The following UTP18 variants were observed in gnomAD, a reference collection of about 807,000 sequenced individuals.
UTP18 encodes the protein U3 small nucleolar RNA-associated protein 18 homolog.
UTP18 carries 36 observed loss-of-function variants against 61.1 expected under a neutral mutation model. The observed-to-expected ratio is 0.59, with a 90% CI of 0.45 to 0.78. The LOEUF (loss-of-function observed/expected upper bound fraction) is 0.78. Among genes scored for constraint, UTP18 ranks in the 30% least tolerant of loss-of-function variants. The probability of loss-of-function intolerance (pLI) is 0.00; values close to 1 mark genes in which losing one functional copy is unlikely to be tolerated. For synonymous variants in UTP18, 282 were observed against 251.1 expected (o/e 1.12, Z -1.16); for missense variants, 753 against 693.9 (o/e 1.09, Z -0.96).
intron 3 of UTP18, among the ~76,000 whole-genome samples, chr17:51,267,070 C>T (rs1238952231): frequency 2.6e-5 from 4 of 152,212 alleles, no homozygotes; most frequent in African/African-American, 7.2e-5. Flanking sequence ...TCAAGAAATC[C>T]TCCCACCTCA....
intron 6 of UTP18, among the ~76,000 whole-genome samples, chr17:51,276,865 C>T (rs947686104): frequency 1.3e-5 from 2 of 152,188 alleles, no homozygotes; most frequent in Non-Finnish European, 2.9e-5. Context: ...GTGGAGCTTC[C>T]GTGCCTTCTC....
At chr17:51,268,703 A>C in intron 3 of UTP18, 134 bp from the exon 4 acceptor site, 1 of 700,218 alleles carries the variant, frequency 1.4e-6, no homozygotes, top group Non-Finnish European at 2.4e-6. Flanking sequence ...TTCTGTTCTT[A>C]AAGATAGTTA....
chr17:51,282,460 A>G (rs1218735102), intron 9 of UTP18, among the ~76,000 whole-genome samples: 1 of 151,762 alleles, frequency 6.6e-6, no homozygotes, highest in African/African-American at 2.4e-5. Context: ...AGAAAGAAGA[A>G]AATGAAGAGA....
intron 1 of UTP18, among the ~76,000 whole-genome samples, chr17:51,262,855 G>T (rs1168183970): frequency 6.6e-6 from 1 of 152,148 alleles, no homozygotes; most frequent in Non-Finnish European, 1.5e-5. Context: ...CTCTCTGCTG[G>T]TATAAAGTTT....
intron 1 of UTP18, among the ~76,000 whole-genome samples, chr17:51,262,691 A>G (rs925815424): frequency 6.6e-5 from 10 of 152,210 alleles, no homozygotes; most frequent in African/African-American, 2.2e-4. Flanking sequence ...AGCTGGGGCC[A>G]CAGGTGCACA....
chr17:51,289,875 T>G (rs1167489547), intron 11 of UTP18, among the ~76,000 whole-genome samples: 1 of 152,228 alleles, frequency 6.6e-6, no homozygotes, highest in African/African-American at 2.4e-5. Context: ...GTAACAGTTC[T>G]TCAGAGGATT....
intron 12 of UTP18, among the ~76,000 whole-genome samples, chr17:51,295,187 G>A (rs1905335623): frequency 6.6e-6 from 1 of 152,114 alleles, no homozygotes; most frequent in African/African-American, 2.4e-5. Context: ...TTGCTGTGCA[G>A]AAACTCTTTA....
chr17:51,268,007 G>GTTTTTTTTTTTTTTTTTTTTTTT (rs766635231), intron 3 of UTP18, among the ~76,000 whole-genome samples: 1 of 130,580 alleles, frequency 7.7e-6, no homozygotes, highest in African/African-American at 3.0e-5. Context: ...TTTGTTTTTT[G>GTTTTTTTTTTTTTTTTTTTTTTT]TTTTTTGTTT....
chr17:51,264,910 T>G (rs2055544567), intron 2 of UTP18, among the ~76,000 whole-genome samples: 1 of 152,042 alleles, frequency 6.6e-6, no homozygotes. Flanking sequence ...CTCGAACTGT[T>G]GACCTCAAGT....
intron 10 of UTP18, 145 bp from the exon 11 acceptor site, chr17:51,287,884 A>C: frequency 3.9e-6 from 2 of 514,492 alleles, no homozygotes; most frequent in Non-Finnish European, 6.3e-6. Context: ...TCTATAGGAC[A>C]TCTGTGGCTA....
At chr17:51,293,812 T>G in intron 11 of UTP18, 91 bp from the exon 12 acceptor site, 4 of 1,136,102 alleles carry the variant, frequency 3.5e-6, no homozygotes, top group Non-Finnish European at 4.7e-6. Context: ...ATGAGCTTTA[T>G]GTTTCAGCAG....
chr17:51,290,418 AAAC>A (rs576096725), intron 11 of UTP18, among the ~76,000 whole-genome samples: 40 of 152,176 alleles, frequency 2.6e-4, no homozygotes, highest in Admixed American at 1.5e-3. Context: ...TCTGTCTCAA[AAAC>A]AACAACAACA....
Position 51,297,919 on chromosome 17 carries a change from G to A in UTP18, c.*152G>A. 3.4e-6 allele frequency: 1 copy of A among 296,236 alleles called. No homozygotes were observed. Among genetic ancestry groups the A allele is most frequent in the Non-Finnish European group, 6.4e-6 (1 of 156,436 alleles). 18.4% of individuals were successfully genotyped at this position (296,236 alleles called of 1,614,324 possible). Reference sequence around the variant, plus strand: ...GTAATGTCTTAATAAACATGTGGCAGCTTTTGTTTGAAAATAAGTGTATCT... The same window carrying A: ...GTAATGTCTTAATAAACATGTGGCAACTTTTGTTTGAAAATAAGTGTATCT... On this transcript the variant is annotated 3_prime_UTR_variant, in exon 14 of 14. Transcript: ENST00000225298.
chr17:51,283,192 T>C (rs1266883501), intron 9 of UTP18, among the ~76,000 whole-genome samples: 4 of 145,472 alleles, frequency 2.7e-5, no homozygotes, highest in African/African-American at 7.7e-5. Context: ...TTTTTCAGAC[T>C]GAGTCTTGTT....
At chr17:51,283,273 A>G (rs1417983208) in intron 9 of UTP18, among the ~76,000 whole-genome samples, 2 of 151,298 alleles carry the variant, frequency 1.3e-5, no homozygotes, top group South Asian at 2.1e-4. Context: ...GGTTCCAGCA[A>G]TTCTCCTGCC....
Position 51,260,899 on chromosome 17 carries a change from G to A in UTP18, c.315G>A (p.Ala105=), listed in dbSNP as rs750859051. The change falls in exon 1 of 14, where the codon GCG becomes GCA. Residue 105 remains alanine, a synonymous_variant. Transcript: ENST00000225298. ...GCGACGTCGAGAACGACGAGGACGC[G>A]TTGCTGCGGCGTCTGCGAGGCCCGA... is the stretch of plus-strand genomic sequence containing the variant. ...VFGDVENDED[A]LLRRLRGPRV... The A allele has an allele frequency of 1.1e-5, 18 of 1,594,368 alleles. No homozygotes were observed. Among genetic ancestry groups the A allele is most frequent in the African/African-American group, 5.4e-5 (4 of 73,836 alleles).
chr17:51,286,148 T>G (rs1453783305), intron 10 of UTP18, among the ~76,000 whole-genome samples: 1 of 152,206 alleles, frequency 6.6e-6, no homozygotes, highest in East Asian at 1.9e-4. Flanking sequence ...TTTAAAAATA[T>G]TATCTAGAAC....
chr17:51,295,925 T>G (rs1464984268), intron 12 of UTP18, among the ~76,000 whole-genome samples: 1 of 152,234 alleles, frequency 6.6e-6, no homozygotes, highest in Non-Finnish European at 1.5e-5. Context: ...ATTTCCACTT[T>G]CTTCGTGCCT....
chr17:51,265,686 C>T (rs2055554036), intron 2 of UTP18, among the ~76,000 whole-genome samples: 1 of 151,126 alleles, frequency 6.6e-6, no homozygotes, highest in African/African-American at 2.4e-5. Flanking sequence ...GCCTCAGCCT[C>T]CTGAGTAGCT....
Sources: gnomAD v4.1 joint callset for allele counts (sites outside exome capture counted in the v4.1 genomes callset) on GRCh38, gnomAD v4.1.1 for gene constraint, MANE v1.5 for transcripts, NCBI Gene and HGNC (gene_info 2026-07-23, HGNC 2026-07-21) for gene names.